The following UVRAG variants were observed in gnomAD, a reference collection of about 807,000 sequenced individuals.
The protein encoded by UVRAG is UV radiation resistance associated, also known as UV radiation resistance-associated gene protein.
Under a neutral mutation model 78.0 loss-of-function variants are expected in UVRAG, and 19 were observed. The observed-to-expected ratio is 0.24, with a 90% CI of 0.17 to 0.36. UVRAG has a LOEUF of 0.36. Among genes scored for constraint, UVRAG ranks in the 10% least tolerant of loss-of-function variants. The pLI, the probability that UVRAG is intolerant of heterozygous loss-of-function variation, is 1.00. For synonymous variants in UVRAG, 323 were observed against 324.6 expected, an observed-to-expected ratio of 1.00 and a Z score of 0.05; for missense variants, 740 against 853.8, an observed-to-expected ratio of 0.87 and a Z score of 1.66.
chr11:76,034,779 A>G (rs992367714), intron 12 of UVRAG, among the ~76,000 whole-genome samples: 1 of 152,182 alleles, frequency 6.6e-6, no homozygotes, highest in Non-Finnish European at 1.5e-5. Flanking sequence ...CTTTAAAAAG[A>G]CTTACAAAAG....
chr11:76,031,302 G>A (rs1296379964), intron 12 of UVRAG, among the ~76,000 whole-genome samples: 1 of 152,188 alleles, frequency 6.6e-6, no homozygotes, highest in African/African-American at 2.4e-5. Flanking sequence ...GGAAATTCAG[G>A]CAGTAAAGAT....
chr11:76,128,354 C>A (rs1565172757), intron 14 of UVRAG, among the ~76,000 whole-genome samples: 1 of 152,188 alleles, frequency 6.6e-6, no homozygotes, highest in Non-Finnish European at 1.5e-5. Flanking sequence ...AACCAGCCCC[C>A]CTGCCCACGG....
At chr11:76,044,551 T>G (rs750033355) in intron 12 of UVRAG, among the ~76,000 whole-genome samples, 38 of 152,110 alleles carry the variant, frequency 2.5e-4, no homozygotes, top group Non-Finnish European at 4.7e-4. Flanking sequence ...GCGGGCAGAT[T>G]GCCTGAGCTC....
chr11:75,942,738 CAA>C (rs1197945704), intron 6 of UVRAG, among the ~76,000 whole-genome samples: 2 of 152,012 alleles, frequency 1.3e-5, no homozygotes, highest in African/African-American at 4.8e-5. Flanking sequence ...AGGAAGAAGA[CAA>C]GAAGCGAATT....
chr11:76,052,298 T>C (rs750858662), intron 12 of UVRAG, among the ~76,000 whole-genome samples: 2 of 152,228 alleles, frequency 1.3e-5, no homozygotes, highest in Non-Finnish European at 2.9e-5. Flanking sequence ...CCCCCGGTTA[T>C]GATGAAAGAG....
chr11:75,956,516 G>T (rs1478639676), intron 6 of UVRAG, among the ~76,000 whole-genome samples: 1 of 151,818 alleles, frequency 6.6e-6, no homozygotes, highest in African/African-American at 2.4e-5. Context: ...CTCCCAAGTA[G>T]CTGGGACTAC....
At chr11:75,950,901 T>G (rs1158224270) in intron 6 of UVRAG, among the ~76,000 whole-genome samples, 3 of 152,122 alleles carry the variant, frequency 2.0e-5, no homozygotes, top group African/African-American at 7.2e-5. Context: ...TTGGGTTGTT[T>G]ATATTTTTAT....
At chr11:75,864,242 G>C (rs1029653627) in intron 3 of UVRAG, among the ~76,000 whole-genome samples, 1 of 152,086 alleles carries the variant, frequency 6.6e-6, no homozygotes, top group African/African-American at 2.4e-5. Context: ...TTTTTGTAGA[G>C]ACAGGGTTTC....
At chr11:76,040,330 G>A (rs1477193351) in intron 12 of UVRAG, among the ~76,000 whole-genome samples, 2 of 151,710 alleles carry the variant, frequency 1.3e-5, no homozygotes, top group Admixed American at 6.6e-5. Flanking sequence ...AAAATTAGCC[G>A]GGCATGGTGG....
At chr11:76,027,291 G>A (rs1950345847) in intron 12 of UVRAG, among the ~76,000 whole-genome samples, 1 of 152,092 alleles carries the variant, frequency 6.6e-6, no homozygotes, top group African/African-American at 2.4e-5. Flanking sequence ...AAGCACTCTT[G>A]TAAAGAATGC....
intron 6 of UVRAG, among the ~76,000 whole-genome samples, chr11:75,941,219 A>C (rs1051289256): frequency 6.6e-6 from 1 of 152,148 alleles, no homozygotes; most frequent in Non-Finnish European, 1.5e-5. Flanking sequence ...TGAGCTACCC[A>C]AAGTCTGTGT....
chr11:75,831,658 A>T (rs1419673523), intron 1 of UVRAG, among the ~76,000 whole-genome samples: 2 of 152,202 alleles, frequency 1.3e-5, no homozygotes, highest in African/African-American at 4.8e-5. Context: ...AAGAAGGTGT[A>T]AAAAGGAATG....
At chr11:75,969,117 G>A (rs548401449) in intron 7 of UVRAG, among the ~76,000 whole-genome samples, 1 of 152,218 alleles carries the variant, frequency 6.6e-6, no homozygotes, top group Admixed American at 6.5e-5. Flanking sequence ...AACTGAAACT[G>A]TACGCATTAA....
Position 75,875,449 on chromosome 11 carries a change from C to T in UVRAG, c.271-4430C>T, listed in dbSNP as rs190671464. Reference sequence around the variant, plus strand: ...TATTTATCTTGCTTAGGACCTGTTACGTATTTAAACCTGTGAATTAGTTTT... The same window carrying T: ...TATTTATCTTGCTTAGGACCTGTTATGTATTTAAACCTGTGAATTAGTTTT... On this transcript the variant is annotated intron_variant, in intron 3 of 14. Transcript: ENST00000356136. 8.2e-4 allele frequency among the ~76,000 whole-genome samples: 122 copies of T among 148,572 alleles called. 2 individuals are homozygous for T. Among genetic ancestry groups the T allele is most frequent in the African/African-American group, 2.8e-3 (115 of 40,520 alleles).
intron 1 of UVRAG, among the ~76,000 whole-genome samples, chr11:75,824,951 G>GCGCCCGGC (rs1253797959): frequency 6.6e-6 from 1 of 152,104 alleles, no homozygotes. Context: ...GGGATTACAG[G>GCGCCCGGC]CGTGAGCCAG....
intron 13 of UVRAG, among the ~76,000 whole-genome samples, chr11:76,082,223 A>G (rs561981541): frequency 3.3e-5 from 5 of 152,216 alleles, no homozygotes; most frequent in African/African-American, 9.6e-5. Flanking sequence ...ATTTTTCTAT[A>G]TGCATATTAT....
chr11:76,125,981 G>A (rs1258867592), intron 14 of UVRAG, among the ~76,000 whole-genome samples: 2 of 142,496 alleles, frequency 1.4e-5, no homozygotes, highest in Non-Finnish European at 3.0e-5. Context: ...ACAGAGTCTC[G>A]CTCTGTCACC....
chr11:75,899,713 A>C (rs140562258), intron 5 of UVRAG, among the ~76,000 whole-genome samples: 2 of 152,372 alleles, frequency 1.3e-5, no homozygotes, highest in African/African-American at 4.8e-5. Context: ...CTAGTTGTGC[A>C]TTGTGGGAAT....
At chr11:76,133,438 A>C in intron 14 of UVRAG, among the ~76,000 whole-genome samples, 1 of 152,144 alleles carries the variant, frequency 6.6e-6, no homozygotes, top group East Asian at 1.9e-4. Context: ...TTTCTGTAAA[A>C]GGAGGCTACA....
Sources: gnomAD v4.1 joint callset for allele counts (sites outside exome capture counted in the v4.1 genomes callset) on GRCh38, gnomAD v4.1.1 for gene constraint, MANE v1.5 for transcripts, NCBI Gene and HGNC (gene_info 2026-07-23, HGNC 2026-07-21) for gene names.